Variants in GPC4 observed in about 807,000 individuals in gnomAD.
GPC4 encodes the protein glypican-4.
A neutral mutation model predicts 35.0 loss-of-function variants in GPC4; 10 were observed. The ratio of observed to expected loss-of-function variants is 0.29; its 90% CI spans 0.18 to 0.48. The LOEUF (loss-of-function observed/expected upper bound fraction) is 0.48, where lower values mean the gene tolerates loss of function less well. Ranked by LOEUF, GPC4 falls within the 20% of genes least tolerant of loss-of-function variation. The pLI is 0.99. For synonymous variants in GPC4, 167 were observed against 170.2 expected (o/e 0.98, Z 0.15); for missense variants, 322 against 451.3 (o/e 0.71, Z 2.60).
intron 1 of GPC4, among the ~76,000 whole-genome samples, chrX:133,371,739 C>T (rs1366993214): frequency 9.0e-6 from 1 of 111,647 alleles, no homozygotes; most frequent in Admixed American, 9.5e-5. Context: ...GGCCATTATA[C>T]CACTTAAAAT....
intron 4 of GPC4, 78 bp downstream of exon 4, chrX:133,311,180 A>T: frequency 9.9e-7 from 1 of 1,013,001 alleles, no homozygotes; most frequent in Non-Finnish European, 1.4e-6. Flanking sequence ...CAAATTTCAT[A>T]GCTGCCAATT....
chrX:133,411,991 T>C (rs1171865670), intron 1 of GPC4, among the ~76,000 whole-genome samples: 2 of 111,433 alleles, frequency 1.8e-5, no homozygotes, highest in Admixed American at 9.5e-5. Flanking sequence ...TTCAAACCTC[T>C]AGAAGGCAAG....
At chrX:133,367,119 A>G (rs991684862) in intron 1 of GPC4, among the ~76,000 whole-genome samples, 4 of 112,042 alleles carry the variant, frequency 3.6e-5, no homozygotes, top group Non-Finnish European at 7.5e-5. Flanking sequence ...TTTAATTTTC[A>G]ATAAATCTCT....
chrX:133,362,237 AG>A (rs2068572387), intron 1 of GPC4, among the ~76,000 whole-genome samples: 1 of 108,830 alleles, frequency 9.2e-6, no homozygotes, highest in Non-Finnish European at 1.9e-5. Flanking sequence ...AAGGAAGGAA[AG>A]GGGAGGAGAG....
intron 4 of GPC4, among the ~76,000 whole-genome samples, chrX:133,308,147 G>A (rs2124106444): frequency 8.9e-6 from 1 of 112,262 alleles, no homozygotes; most frequent in South Asian, 3.7e-4. Flanking sequence ...TTCTGTAACA[G>A]CAGCCAGCCC....
chrX:133,350,569 C>A (rs887031986), intron 1 of GPC4, among the ~76,000 whole-genome samples: 28 of 111,122 alleles, frequency 2.5e-4, no homozygotes, highest in Middle Eastern at 9.3e-3. Context: ...CAACAAAAAA[C>A]AAAAAACAGT....
chrX:133,382,017 G>A (rs966150608), intron 1 of GPC4, among the ~76,000 whole-genome samples: 7 of 112,056 alleles, frequency 6.2e-5, no homozygotes, highest in Non-Finnish European at 1.1e-4. Flanking sequence ...TCTGACTTAA[G>A]CCCTACATAT....
At chrX:133,326,357 A>T (rs1313243865) in intron 2 of GPC4, among the ~76,000 whole-genome samples, 1 of 111,835 alleles carries the variant, frequency 8.9e-6, no homozygotes, top group Non-Finnish European at 1.9e-5. Context: ...GACCAGCAGG[A>T]TCAGCATCAC....
In GPC4 at chrX:133,303,329, T is replaced by C; in HGVS notation, c.1305A>G (p.Ala435=). 2 of 1,206,508 alleles carry C rather than the reference T, an allele frequency of 1.7e-6. No homozygotes were observed. The highest frequency in any genetic ancestry group is 3.6e-5 in the South Asian group (2 of 55,821). The part of the protein sequence containing the change: ...NGKGKSRYLF[A]VTGNGLANQG... Reference sequence around the variant, plus strand: ...GGTTGGCTAATCCATTTCCTGTCACTGCAAACAGGTACCTGGAATGTAAAA... The same window carrying C: ...GGTTGGCTAATCCATTTCCTGTCACCGCAAACAGGTACCTGGAATGTAAAA... The change falls in exon 8 of 9, where the codon GCA becomes GCG. Residue 435 remains alanine (A), a synonymous_variant. Transcript: ENST00000370828.
At chrX:133,352,845 C>G (rs1409861863) in intron 1 of GPC4, among the ~76,000 whole-genome samples, 2 of 111,400 alleles carry the variant, frequency 1.8e-5, no homozygotes, top group African/African-American at 6.5e-5. Flanking sequence ...TTAGCCAATT[C>G]TTCAACTGGG....
At chrX:133,345,271 A>C (rs1470589886) in intron 1 of GPC4, among the ~76,000 whole-genome samples, 1 of 112,108 alleles carries the variant, frequency 8.9e-6, no homozygotes, top group Non-Finnish European at 1.9e-5. Flanking sequence ...TTAAAACGAA[A>C]AAAGCCCTTT....
chrX:133,319,007 C>G (rs2068351398), intron 3 of GPC4, among the ~76,000 whole-genome samples: 2 of 112,133 alleles, frequency 1.8e-5, no homozygotes, highest in Non-Finnish European at 3.8e-5. Flanking sequence ...TGCAAAGGTT[C>G]AGTGATAATC....
intron 3 of GPC4, among the ~76,000 whole-genome samples, chrX:133,323,377 G>A (rs745448881): frequency 8.9e-6 from 1 of 111,803 alleles, no homozygotes; most frequent in African/African-American, 3.2e-5. Context: ...CTACTAGGGA[G>A]GCTGAGGCAG....
intron 1 of GPC4, among the ~76,000 whole-genome samples, chrX:133,361,777 C>T (rs1443997492): frequency 9.0e-6 from 1 of 111,563 alleles, no homozygotes; most frequent in East Asian, 2.8e-4. Context: ...TAAATTGTAT[C>T]GTTCATTTTC....
At chrX:133,376,129 C>T (rs1434997482) in intron 1 of GPC4, among the ~76,000 whole-genome samples, 3 of 112,386 alleles carry the variant, frequency 2.7e-5, no homozygotes, top group African/African-American at 9.7e-5. Context: ...CTGAAAAGGG[C>T]CAAGTCTCAA....
chrX:133,406,934 G>C (rs2068790722), intron 1 of GPC4, among the ~76,000 whole-genome samples: 1 of 108,681 alleles, frequency 9.2e-6, no homozygotes. Flanking sequence ...AAACCAGCCG[G>C]GTGTGGCAGC....
chrX:133,325,809 C>T (rs1191211512), intron 2 of GPC4, among the ~76,000 whole-genome samples: 1 of 111,758 alleles, frequency 8.9e-6, no homozygotes, highest in Non-Finnish European at 1.9e-5. Context: ...AGAGACTGGC[C>T]ACTAATACCA....
chrX:133,384,437 A>G (rs2124169013), intron 1 of GPC4, among the ~76,000 whole-genome samples: 1 of 111,152 alleles, frequency 9.0e-6, no homozygotes, highest in South Asian at 3.9e-4. Flanking sequence ...GATGAGAGGA[A>G]CTTTAGGGTT....
chrX:133,341,682 A>G (rs2068467338), intron 1 of GPC4, among the ~76,000 whole-genome samples: 1 of 111,289 alleles, frequency 9.0e-6, no homozygotes, highest in Non-Finnish European at 1.9e-5. Flanking sequence ...ACATGGGTAC[A>G]TGCACAAACA....
Sources: gnomAD v4.1 joint callset for allele counts (sites outside exome capture counted in the v4.1 genomes callset) on GRCh38, gnomAD v4.1.1 for gene constraint, MANE v1.5 for transcripts, NCBI Gene and HGNC (gene_info 2026-07-23, HGNC 2026-07-21) for gene names.